The following HS6ST3 variants were observed in gnomAD, a reference collection of about 807,000 sequenced individuals.
HS6ST3 encodes heparan-sulfate 6-O-sulfotransferase 3.
A neutral mutation model predicts 36.7 loss-of-function variants in HS6ST3; 12 were observed. The ratio of observed to expected loss-of-function variants is 0.33; its 90% confidence interval spans 0.21 to 0.53. HS6ST3 has a LOEUF of 0.53. HS6ST3 is among the 20% of genes least tolerant of loss of function. The pLI is 0.95. For missense variants in HS6ST3, 584 were observed against 640.9 expected (o/e 0.91, Z 0.96); for synonymous variants, 240 against 257.5 (o/e 0.93, Z 0.65).
chr13:96,419,328 G>C (rs189835329), intron 1 of HS6ST3, among the ~76,000 whole-genome samples: 74 of 151,912 alleles, frequency 4.9e-4, no homozygotes, highest in Admixed American at 7.2e-4. Flanking sequence ...AAAAGTGTAG[G>C]GGGGAAGTAG....
At chr13:96,709,124 C>A (rs530443448) in intron 1 of HS6ST3, among the ~76,000 whole-genome samples, 2 of 152,270 alleles carry the variant, frequency 1.3e-5, no homozygotes, top group Non-Finnish European at 2.9e-5. Context: ...TGAGTTCTCA[C>A]AAGATCTGAT....
chr13:96,200,374 C>T (rs2054335451), intron 1 of HS6ST3, among the ~76,000 whole-genome samples: 1 of 152,188 alleles, frequency 6.6e-6, no homozygotes, highest in Non-Finnish European at 1.5e-5. Flanking sequence ...ACAGGCCTGG[C>T]ATTCTCCTGC....
chr13:96,361,327 A>G (rs2055237546), intron 1 of HS6ST3, among the ~76,000 whole-genome samples: 1 of 152,152 alleles, frequency 6.6e-6, no homozygotes, highest in Non-Finnish European at 1.5e-5. Context: ...CTATATAAAA[A>G]ACCCTTTTGG....
intron 1 of HS6ST3, among the ~76,000 whole-genome samples, chr13:96,571,263 A>G (rs1173591731): frequency 2.6e-5 from 4 of 152,200 alleles, no homozygotes; most frequent in East Asian, 3.8e-4. Context: ...GTAATCTGCT[A>G]TGGCCAGACC....
intron 1 of HS6ST3, among the ~76,000 whole-genome samples, chr13:96,409,294 T>C (rs781734680): frequency 6.6e-5 from 10 of 152,242 alleles, no homozygotes; most frequent in Non-Finnish European, 2.9e-5. Flanking sequence ...CTGTGTCCAG[T>C]CATATAGCAA....
intron 1 of HS6ST3, among the ~76,000 whole-genome samples, chr13:96,575,112 G>A (rs1031344979): frequency 6.6e-6 from 1 of 152,168 alleles, no homozygotes; most frequent in Non-Finnish European, 1.5e-5. Flanking sequence ...AAGCCTTTTG[G>A]ATGGAGTTGC....
chr13:96,449,921 T>G (rs971235235), intron 1 of HS6ST3, among the ~76,000 whole-genome samples: 2 of 152,216 alleles, frequency 1.3e-5, no homozygotes, highest in African/African-American at 4.8e-5. Context: ...GTGGTGTGCA[T>G]TACGTTATAT....
chr13:96,321,129 A>T (rs1383206628), intron 1 of HS6ST3, among the ~76,000 whole-genome samples: 6 of 149,992 alleles, frequency 4.0e-5, no homozygotes, highest in Admixed American at 6.6e-5. Flanking sequence ...TTTTTTTTTT[A>T]AAAGAAGTAA....
intron 1 of HS6ST3, among the ~76,000 whole-genome samples, chr13:96,668,483 C>CAT (rs1406705564): frequency 6.6e-6 from 1 of 152,072 alleles, no homozygotes; most frequent in Non-Finnish European, 1.5e-5. Flanking sequence ...CTCACCTGCC[C>CAT]ATACCCTGTG....
chr13:96,655,906 A>C (rs2056622980), intron 1 of HS6ST3, among the ~76,000 whole-genome samples: 1 of 152,128 alleles, frequency 6.6e-6, no homozygotes, highest in South Asian at 2.1e-4. Context: ...TGTGCATCTC[A>C]AGGACGAAGG....
chr13:96,725,651 C>A (rs2138472365), intron 1 of HS6ST3, among the ~76,000 whole-genome samples: 1 of 151,840 alleles, frequency 6.6e-6, no homozygotes, highest in East Asian at 1.9e-4. Context: ...GTTGAGAACA[C>A]AGTTTTTCAC....
At chr13:96,251,833 G>A (rs1046710427) in intron 1 of HS6ST3, among the ~76,000 whole-genome samples, 1 of 152,050 alleles carries the variant, frequency 6.6e-6, no homozygotes, top group Non-Finnish European at 1.5e-5. Context: ...GTTCCGGAGT[G>A]TGTTGCTTAA....
At chr13:96,713,911 A>G (rs553247070) in intron 1 of HS6ST3, among the ~76,000 whole-genome samples, 29 of 152,270 alleles carry the variant, frequency 1.9e-4, no homozygotes, top group Non-Finnish European at 2.9e-4. Flanking sequence ...GAAATTTGGT[A>G]TGACAGGAGT....
chr13:96,402,812 C>G (rs1314059653), intron 1 of HS6ST3, among the ~76,000 whole-genome samples: 2 of 152,154 alleles, frequency 1.3e-5, no homozygotes, highest in Admixed American at 6.5e-5. Flanking sequence ...TATCCATTCT[C>G]CTGTTGATGA....
At chr13:96,112,937 G>A (rs1355788353) in intron 1 of HS6ST3, among the ~76,000 whole-genome samples, 5 of 152,088 alleles carry the variant, frequency 3.3e-5, no homozygotes, top group African/African-American at 1.2e-4. Flanking sequence ...AGTCAGGGAT[G>A]CAGGGTTTTA....
chr13:96,772,165 A>G (rs1413781396), intron 1 of HS6ST3, among the ~76,000 whole-genome samples: 2 of 152,188 alleles, frequency 1.3e-5, no homozygotes, highest in African/African-American at 4.8e-5. Context: ...ATACATGCAT[A>G]AAGAGGAAGT....
At chr13:96,246,765 T>C (rs922384168) in intron 1 of HS6ST3, among the ~76,000 whole-genome samples, 3 of 152,112 alleles carry the variant, frequency 2.0e-5, no homozygotes, top group Non-Finnish European at 4.4e-5. Context: ...CTAGAGAAGA[T>C]CGGATTGCAT....
intron 1 of HS6ST3, among the ~76,000 whole-genome samples, chr13:96,550,740 T>G (rs1031618191): frequency 3.3e-5 from 5 of 152,130 alleles, no homozygotes; most frequent in Admixed American, 3.3e-4. Context: ...GTAATTTCAT[T>G]GTTGGCTTTC....
intron 1 of HS6ST3, among the ~76,000 whole-genome samples, chr13:96,412,063 G>A (rs1175022887): frequency 6.6e-6 from 1 of 152,032 alleles, no homozygotes; most frequent in Non-Finnish European, 1.5e-5. Flanking sequence ...GCAGTGCAGT[G>A]GTGCGATCTC....
Sources: allele counts gnomAD v4.1 joint callset (sites outside exome capture counted in the v4.1 genomes callset), GRCh38; gene constraint gnomAD v4.1.1; transcripts MANE v1.5; gene names NCBI Gene and HGNC (gene_info 2026-07-23, HGNC 2026-07-21).